The following SCOC variants were observed in gnomAD, a reference collection of about 807,000 sequenced individuals.
SCOC encodes short coiled coil protein.
In SCOC, 7 loss-of-function variants were observed where a neutral mutation model predicts 9.9. The observed-to-expected ratio is 0.71, with a 90% CI of 0.40 to 1.33. The LOEUF is 1.33. Ranked by LOEUF, SCOC falls within the 40% of genes most tolerant of loss-of-function variation. SCOC has a pLI of 0.01. For missense variants in SCOC, 66 were observed against 89.7 expected (o/e 0.74, Z 1.07); for synonymous variants, 19 against 28.2 (o/e 0.67, Z 1.03).
intron 1 of SCOC, among the ~76,000 whole-genome samples, chr4:140,337,849 A>G (rs1333830895): frequency 1.3e-5 from 2 of 152,184 alleles, no homozygotes; most frequent in Admixed American, 1.3e-4. Context: ...ACGGATTCAC[A>G]GCTGAATTCT....
At chr4:140,368,924 A>G (rs926062867), upstream of SCOC, among the ~76,000 whole-genome samples, 2 of 152,038 alleles carry the variant, frequency 1.3e-5, no homozygotes, top group Non-Finnish European at 2.9e-5. Flanking sequence ...AGTGAACTGG[A>G]GTCTCACGTT....
intron 1 of SCOC, among the ~76,000 whole-genome samples, chr4:140,300,366 A>C (rs139018732): frequency 4.6e-5 from 7 of 152,288 alleles, no homozygotes; most frequent in African/African-American, 1.7e-4. Flanking sequence ...CTGCATCTGC[A>C]CACTCACGGG....
chr4:140,295,572 G>C (rs112782027), intron 1 of SCOC, among the ~76,000 whole-genome samples: 1 of 152,182 alleles, frequency 6.6e-6, no homozygotes, highest in Non-Finnish European at 1.5e-5. Context: ...GAAGTGAGAC[G>C]GCGTGGCCCC....
rs1199927187 is a variant in SCOC at position 140,384,790 on chromosome 4, G to C, written c.*3686G>C. ...ATCAGCATACTCCTTGTTATGGACT[G>C]AATGTGTCCTCCCAAAATTCTTAGG... On this transcript the variant is annotated 3_prime_UTR_variant, in exon 4 of 4. Coordinates refer to ENST00000608372, the MANE Select transcript of SCOC (RefSeq NM_001153484.2). 6.6e-6 allele frequency: 1 copy of C among 152,192 alleles called. No homozygotes were observed. The highest frequency in any genetic ancestry group is 1.5e-5 in the Non-Finnish European group (1 of 68,034). 9.4% of individuals were successfully genotyped at this position (152,192 alleles called of 1,614,324 possible).
At chr4:140,303,642 G>A (rs1045525019) in intron 1 of SCOC, among the ~76,000 whole-genome samples, 8 of 152,280 alleles carry the variant, frequency 5.3e-5, no homozygotes, top group Admixed American at 2.0e-4. Context: ...AAAGTTCTGA[G>A]TTCCTCAGTT....
chr4:140,375,111 A>G (rs1728282947), intron 1 of SCOC, among the ~76,000 whole-genome samples: 1 of 152,168 alleles, frequency 6.6e-6, no homozygotes, highest in Non-Finnish European at 1.5e-5. Flanking sequence ...ATGGTGGAAA[A>G]AACACTGGGC....
At chr4:140,279,671 G>C (rs6816159) in intron 1 of SCOC, among the ~76,000 whole-genome samples, 41,556 of 152,144 alleles carry the variant, frequency 0.27, 10,098 homozygotes, top group African/African-American at 0.64. Flanking sequence ...CTCATCCCAT[G>C]AACTGTGCTG....
chr4:140,325,142 T>C (rs979459093), intron 1 of SCOC, among the ~76,000 whole-genome samples: 3 of 152,088 alleles, frequency 2.0e-5, no homozygotes, highest in African/African-American at 7.2e-5. Context: ...AATCTCCCTG[T>C]ACCTTAAACA....
intron 2 of SCOC, among the ~76,000 whole-genome samples, chr4:140,348,931 G>A (rs540325290): frequency 6.6e-6 from 1 of 152,114 alleles, no homozygotes; most frequent in East Asian, 1.9e-4. Flanking sequence ...ATCTCATGGT[G>A]GTTTTAATTT....
intron 1 of SCOC, among the ~76,000 whole-genome samples, chr4:140,376,989 A>G (rs1728371406): frequency 6.6e-6 from 1 of 152,218 alleles, no homozygotes; most frequent in South Asian, 2.1e-4. Context: ...TAGCCTTAAA[A>G]TCATTGGATA....
At chr4:140,306,399 T>C (rs1731987271) in intron 1 of SCOC, among the ~76,000 whole-genome samples, 1 of 152,128 alleles carries the variant, frequency 6.6e-6, no homozygotes, top group South Asian at 2.1e-4. Flanking sequence ...ACCATATCAG[T>C]ACCCCTCTGA....
intron 1 of SCOC, among the ~76,000 whole-genome samples, chr4:140,303,458 G>A (rs1578789604): frequency 6.6e-6 from 1 of 152,166 alleles, no homozygotes; most frequent in Admixed American, 6.5e-5. Flanking sequence ...GAGCCCAGGG[G>A]TGACTACAGA....
intron 2 of SCOC, chr4:140,366,526 A>C (rs1199004166): frequency 6.4e-7 from 1 of 1,573,420 alleles, no homozygotes; most frequent in African/African-American, 1.4e-5. Context: ...TGCCTTCATA[A>C]CTTTAAAATG....
chr4:140,309,588 A>G (rs1203968610), intron 1 of SCOC, among the ~76,000 whole-genome samples: 1 of 152,056 alleles, frequency 6.6e-6, no homozygotes, highest in Admixed American at 6.5e-5. Context: ...AGAATAACTC[A>G]CTCTAGAAAG....
At chr4:140,374,286 G>A in intron 1 of SCOC, 2 of 410,210 alleles carry the variant, frequency 4.9e-6, no homozygotes, top group South Asian at 1.8e-5. Context: ...AGAAAGGTTT[G>A]GAAAGGAGAA....
chr4:140,372,344 G>C (rs577183259), upstream of SCOC, among the ~76,000 whole-genome samples: 128 of 152,278 alleles, frequency 8.4e-4, no homozygotes, highest in African/African-American at 3.0e-3. Flanking sequence ...AGTTTCTCTT[G>C]ATCTTTGGTG....
intron 1 of SCOC, among the ~76,000 whole-genome samples, chr4:140,286,468 C>A (rs1036986165): frequency 4.6e-5 from 7 of 152,326 alleles, no homozygotes; most frequent in African/African-American, 1.7e-4. Flanking sequence ...TTTAACGAGC[C>A]ATATGCAGCT....
upstream of SCOC, among the ~76,000 whole-genome samples, chr4:140,339,443 G>C (rs1726413487): frequency 3.3e-5 from 5 of 152,152 alleles, no homozygotes; most frequent in Admixed American, 3.3e-4. Context: ...AGCCAAAATT[G>C]ACAAATGGGA....
intron 1 of SCOC, among the ~76,000 whole-genome samples, chr4:140,329,249 GTC>G (rs1732739003): frequency 6.6e-6 from 1 of 152,168 alleles, no homozygotes; most frequent in African/African-American, 2.4e-5. Flanking sequence ...CAGGCCACAT[GTC>G]GGAGAATGAA....
Sources: gnomAD v4.1 joint callset for allele counts (sites outside exome capture counted in the v4.1 genomes callset) on GRCh38, gnomAD v4.1.1 for gene constraint, MANE v1.5 for transcripts, NCBI Gene and HGNC (gene_info 2026-07-23, HGNC 2026-07-21) for gene names.